ANXA1: variants seen among roughly 807,000 people sequenced by gnomAD.
ANXA1 encodes the protein annexin A1.
In ANXA1, 39 loss-of-function variants were observed where a neutral mutation model predicts 47.9. The observed-to-expected ratio is 0.81, with a 90% CI of 0.63 to 1.06. The LOEUF (loss-of-function observed/expected upper bound fraction) is 1.06, where lower values mean the gene tolerates loss of function less well. Among genes scored for constraint, ANXA1 ranks in the 50% least tolerant of loss-of-function variants. The pLI, the probability that ANXA1 is intolerant of heterozygous loss-of-function variation, is 0.00. For synonymous variants in ANXA1, 146 were observed against 142.5 expected (o/e 1.02, Z -0.17); for missense variants, 446 against 422.7 (o/e 1.06, Z -0.48).
At chr9:73,167,730 A>T in intron 11 of ANXA1, 175 bp downstream of exon 11, 1 of 580,342 alleles carries the variant, frequency 1.7e-6, no homozygotes, top group South Asian at 2.7e-5. Flanking sequence ...CTTCTGTTAG[A>T]TTCGGTGCTT....
chr9:73,158,464 G>A, intron 1 of ANXA1, 58 bp from the exon 2 acceptor site: 1 of 1,314,280 alleles, frequency 7.6e-7, no homozygotes, highest in Admixed American at 1.7e-5. Flanking sequence ...AGGTGAGGAA[G>A]GAGAGGTTGT....
At chr9:73,152,926 C>T (rs866443819) in intron 1 of ANXA1, among the ~76,000 whole-genome samples, 2 of 152,066 alleles carry the variant, frequency 1.3e-5, no homozygotes, top group Non-Finnish European at 2.9e-5. Context: ...AGCTAATTAA[C>T]AAGGATGGAA....
rs1824300426 is a variant in ANXA1 at position 73,170,178 on chromosome 9, T to C, written c.*71T>C. The C allele has an allele frequency of 4.4e-6, 6 of 1,360,764 alleles. No homozygotes were observed. The highest frequency in any genetic ancestry group is 5.0e-6 in the Non-Finnish European group (5 of 990,176). 84.3% of individuals were successfully genotyped at this position (1,360,764 alleles called of 1,614,324 possible). A position where few individuals can be genotyped will look rare whatever the true frequency, so the allele number is the denominator to read the frequency against. ...TATATTTTCATCCTATAAGCTTAAATAGGAAAGTTTCTTCAACAGGATTAC... is the reference window on the plus strand; with the variant it reads ...TATATTTTCATCCTATAAGCTTAAACAGGAAAGTTTCTTCAACAGGATTAC... On this transcript the variant is annotated 3_prime_UTR_variant, in exon 13 of 13. Transcript: ENST00000257497.
At position 73,166,057 on chromosome 9, in the gene ANXA1, G is replaced by GATA; in HGVS notation, c.707-40_707-39insATA. The GATA allele has an allele frequency of 2.0e-6, 3 of 1,475,028 alleles. No individual in the cohort carries two copies. The South Asian group carries it at 3.7e-5, about 18-fold the overall frequency. The allele number at this position is 1,475,028 out of a possible 1,614,324, so 91.4% of individuals were successfully genotyped here. On this transcript the variant is annotated intron_variant, in intron 9 of 12. Transcript: ENST00000257497. ...TTTTGCTAAAGCTTTCTAAAGAAAA[G>GATA]GATGTTTTGCATGTATCTTAGTTTG...
chr9:73,156,565 C>A (rs1438979284), intron 1 of ANXA1, among the ~76,000 whole-genome samples: 1 of 152,134 alleles, frequency 6.6e-6, no homozygotes, highest in East Asian at 1.9e-4. Context: ...TAAGAGCAAT[C>A]CCATGCGAAT....
intron 12 of ANXA1, among the ~76,000 whole-genome samples, chr9:73,169,545 T>C (rs1183745143): frequency 6.6e-6 from 1 of 152,156 alleles, no homozygotes; most frequent in East Asian, 1.9e-4. Context: ...TTAAAATTTA[T>C]GTTCAAATTG....
chr9:73,166,126 C>A lies in ANXA1; in HGVS notation c.736C>A (p.His246Asn), dbSNP rs973540500. The A allele has an allele frequency of 1.2e-6, 2 of 1,612,004 alleles. No individual in the cohort carries two copies. Among genetic ancestry groups the A allele is most frequent in the Admixed American group, 1.7e-5 (1 of 59,832 alleles). The change falls in exon 10 of 13, where the codon CAT becomes AAT. Residue 246 changes from histidine (H) to asparagine (N), a missense_variant. Coordinates refer to ENST00000257497, the MANE Select transcript of ANXA1 (RefSeq NM_000700.3). ...VFQKYTKYSK[H>N]DMNKVLDLEL... ...TCAGAAATACACCAAGTACAGTAAG[C>A]ATGACATGAACAAAGTTCTGGACCT... is the stretch of plus-strand genomic sequence containing the variant.
Position 73,165,207 on chromosome 9 carries a change from G to A in ANXA1, c.704G>A (p.Arg235Lys), listed in dbSNP as rs753484642. Residue 235 changes from arginine to lysine, a missense_variant and splice_region_variant, in exon 9 of 13, where the codon AGA becomes AAA. Transcript: ENST00000257497. ...ACCAGAAGCTATCCACAACTTCGCAGAGGTAACAATAAATTTCTTTTTCTG... is the reference window on the plus strand; with the variant it reads ...ACCAGAAGCTATCCACAACTTCGCAAAGGTAACAATAAATTTCTTTTTCTG... ...LTTRSYPQLR[R>K]VFQKYTKYSK... 4.1e-5 allele frequency: 66 copies of A among 1,611,508 alleles called. No homozygotes were observed. The highest frequency in any genetic ancestry group is 3.3e-4 in the Middle Eastern group (2 of 6,068).
chr9:73,168,918 T>TGTGTGTG, intron 11 of ANXA1, 114 bp from the exon 12 acceptor site: 5 of 905,266 alleles, frequency 5.5e-6, no homozygotes, highest in South Asian at 3.2e-5. Flanking sequence ...TGTGTATAGC[T>TGTGTGTG]AGTTTCTCTA....
intron 1 of ANXA1, among the ~76,000 whole-genome samples, chr9:73,152,736 C>A (rs966433813): frequency 3.9e-5 from 6 of 152,080 alleles, no homozygotes; most frequent in African/African-American, 1.4e-4. Flanking sequence ...CATAAAACTC[C>A]TTAGAAAAGC....
intron 1 of ANXA1, among the ~76,000 whole-genome samples, chr9:73,156,641 T>G (rs17058551): frequency 6.6e-6 from 1 of 152,200 alleles, no homozygotes; most frequent in East Asian, 1.9e-4. Flanking sequence ...TACTTGCAAC[T>G]CCAGTTACTT....
chr9:73,161,614 A>T (rs549989961), intron 6 of ANXA1, among the ~76,000 whole-genome samples: 1 of 152,136 alleles, frequency 6.6e-6, no homozygotes, highest in African/African-American at 2.4e-5. Context: ...TTTCTGCTTG[A>T]TTCTCATACC....
intron 8 of ANXA1, among the ~76,000 whole-genome samples, chr9:73,164,892 T>C (rs774574724): frequency 3.9e-5 from 6 of 152,144 alleles, no homozygotes; most frequent in Non-Finnish European, 7.4e-5. Flanking sequence ...CAAACATATA[T>C]TCAGACTCTA....
intron 6 of ANXA1, among the ~76,000 whole-genome samples, chr9:73,162,384 A>C (rs536710716): frequency 1.3e-5 from 2 of 152,188 alleles, no homozygotes; most frequent in Non-Finnish European, 2.9e-5. Flanking sequence ...TTTAAACTAA[A>C]TAAATAATTT....
At chr9:73,168,970 T>A (rs1588227603) in intron 11 of ANXA1, 62 bp from the exon 12 acceptor site, 1 of 1,523,604 alleles carries the variant, frequency 6.6e-7, no homozygotes, top group East Asian at 2.3e-5. Context: ...ACTTTAAAAT[T>A]CATGTTTTTA....
chr9:73,167,437 A>G (rs541915852), intron 10 of ANXA1, 60 bp from the exon 11 acceptor site: 13 of 1,482,642 alleles, frequency 8.8e-6, no homozygotes, highest in South Asian at 1.1e-5. Flanking sequence ...TGTTTCTTTC[A>G]TATGGATATT....
intron 1 of ANXA1, 150 bp from the exon 2 acceptor site, chr9:73,158,372 A>AT: frequency 1.6e-6 from 1 of 606,952 alleles, no homozygotes; most frequent in South Asian, 2.1e-5. Context: ...TACGTCTTAC[A>AT]TTTTGTTATG....
chr9:73,164,435 A>G (rs1420285730), intron 8 of ANXA1, among the ~76,000 whole-genome samples: 1 of 152,180 alleles, frequency 6.6e-6, no homozygotes, highest in Admixed American at 6.6e-5. Context: ...ATAATAAAAA[A>G]TTCTTATTTG....
rs756611110 is a variant in ANXA1 at position 73,169,116 on chromosome 9, C to A, written c.946C>A (p.Gln316Lys). ...IDMNDIKAFY[Q>K]KMYGISLCQA... ...CATGAATGATATCAAAGCATTCTAT[C>A]AGAAGATGTATGGTATCTCCCTTTG... Residue 316 changes from glutamine (Q) to lysine (K), a missense_variant, in exon 12 of 13, where the codon CAG (glutamine) becomes AAG (lysine). Transcript: ENST00000257497. 1.9e-6 allele frequency: 3 copies of A among 1,613,184 alleles called. No individual in the cohort carries two copies. The highest frequency in any genetic ancestry group is 2.2e-5 in the South Asian group (2 of 91,052).
Sources: gnomAD v4.1 joint callset for allele counts (sites outside exome capture counted in the v4.1 genomes callset) on GRCh38, gnomAD v4.1.1 for gene constraint, MANE v1.5 for transcripts, NCBI Gene and HGNC (gene_info 2026-07-23, HGNC 2026-07-21) for gene names.